Variants in MICAL2 observed in about 807,000 individuals in gnomAD.
MICAL2 encodes the protein microtubule associated monooxygenase, calponin and LIM domain containing 2.
A neutral mutation model predicts 127.3 loss-of-function variants in MICAL2; 77 were observed. The ratio of observed to expected loss-of-function variants is 0.60; its 90% CI spans 0.50 to 0.73. The LOEUF (loss-of-function observed/expected upper bound fraction) is 0.73, where lower values mean the gene tolerates loss of function less well. Among genes scored for constraint, MICAL2 ranks in the 30% least tolerant of loss-of-function variants. The probability of loss-of-function intolerance (pLI) is 0.00; values close to 1 mark genes in which losing one functional copy is unlikely to be tolerated. For synonymous variants in MICAL2, 570 were observed against 551.1 expected, an observed-to-expected ratio of 1.03 and a Z score of -0.48; for missense variants, 1,351 against 1,434.4, an observed-to-expected ratio of 0.94 and a Z score of 0.94.
intron 29 of MICAL2, among the ~76,000 whole-genome samples, chr11:12,307,446 T>C (rs1833325129): frequency 6.6e-6 from 1 of 152,228 alleles, no homozygotes. Flanking sequence ...GTCAAATTTA[T>C]TGATTTTTTC....
chr11:12,262,698 G>A (rs1190357846), intron 27 of MICAL2, 161 bp downstream of exon 27: 7 of 660,330 alleles, frequency 1.1e-5, no homozygotes, highest in South Asian at 7.1e-5. Context: ...CATGGCGGGG[G>A]GTGTTCAGCT....
chr11:12,188,276 C>G (rs1452763698), intron 3 of MICAL2, among the ~76,000 whole-genome samples: 1 of 152,128 alleles, frequency 6.6e-6, no homozygotes, highest in Non-Finnish European at 1.5e-5. Flanking sequence ...AATTAACTTC[C>G]TATTTCTTGT....
At chr11:12,253,956 C>A (rs963532144) in intron 22 of MICAL2, 1 of 152,206 alleles carries the variant, frequency 6.6e-6, no homozygotes. Context: ...GTGTGTGGGA[C>A]TGAAAGTTCC....
intron 1 of MICAL2, among the ~76,000 whole-genome samples, chr11:12,128,279 A>G (rs897314439): frequency 1.1e-4 from 17 of 152,238 alleles, no homozygotes; most frequent in Admixed American, 5.2e-4. Flanking sequence ...TCCTTTGTAA[A>G]GTCTTCCTAT....
chr11:12,272,482 CT>C (rs1213976507), upstream of MICAL2, among the ~76,000 whole-genome samples: 1 of 152,216 alleles, frequency 6.6e-6, no homozygotes, highest in East Asian at 1.9e-4. Context: ...CCCCAAACCC[CT>C]AGCACAGGCC....
intron 1 of MICAL2, among the ~76,000 whole-genome samples, chr11:12,119,924 C>T (rs1850368004): frequency 6.6e-6 from 1 of 152,174 alleles, no homozygotes; most frequent in Non-Finnish European, 1.5e-5. Context: ...TCAAGGTCAC[C>T]CAGCCAGGTC....
chr11:12,162,551 G>C, intron 3 of MICAL2, 132 bp downstream of exon 3: 5 of 1,175,630 alleles, frequency 4.3e-6, no homozygotes, highest in Non-Finnish European at 5.9e-6. Context: ...GTTTTCCTCC[G>C]GTAAAGGTTT....
chr11:12,324,880 T>G (rs1864337834), intron 31 of MICAL2, among the ~76,000 whole-genome samples: 1 of 152,220 alleles, frequency 6.6e-6, no homozygotes, highest in South Asian at 2.1e-4. Flanking sequence ...CACTTCTGTC[T>G]ACTTGCAACC....
chr11:12,134,240 C>A (rs1419251507), intron 1 of MICAL2, among the ~76,000 whole-genome samples: 1 of 152,268 alleles, frequency 6.6e-6, no homozygotes, highest in African/African-American at 2.4e-5. Context: ...TTCCCTTATC[C>A]ATGCTCCCCA....
intron 15 of MICAL2, 34 bp downstream of exon 15, chr11:12,227,165 AT>A: frequency 7.0e-7 from 1 of 1,429,530 alleles, no homozygotes; most frequent in South Asian, 1.1e-5. Flanking sequence ...TTTATTTCCC[AT>A]TGCACATGGA....
intron 3 of MICAL2, among the ~76,000 whole-genome samples, chr11:12,200,349 G>A (rs762394582): frequency 2.0e-5 from 3 of 152,180 alleles, no homozygotes; most frequent in African/African-American, 4.8e-5. Flanking sequence ...CCTTCGGGTC[G>A]AGTTATCACA....
At chr11:12,203,542 A>G (rs1423399802) in intron 3 of MICAL2, among the ~76,000 whole-genome samples, 1 of 152,096 alleles carries the variant, frequency 6.6e-6, no homozygotes, top group Non-Finnish European at 1.5e-5. Context: ...GTACTTAGTG[A>G]CCATTTGTAT....
At chr11:12,305,891 T>G (rs536628939) in intron 29 of MICAL2, among the ~76,000 whole-genome samples, 1 of 152,196 alleles carries the variant, frequency 6.6e-6, no homozygotes, top group Non-Finnish European at 1.5e-5. Flanking sequence ...TCAAATGATA[T>G]GGTTTTTAAT....
chr11:12,144,448 T>C (rs1210130569), intron 2 of MICAL2, among the ~76,000 whole-genome samples: 1 of 152,128 alleles, frequency 6.6e-6, no homozygotes, highest in African/African-American at 2.4e-5. Flanking sequence ...TTTGACCCCC[T>C]GAATGGTCAA....
At chr11:12,344,260 C>T (rs1175806942) in intron 32 of MICAL2, among the ~76,000 whole-genome samples, 1 of 151,998 alleles carries the variant, frequency 6.6e-6, no homozygotes, top group African/African-American at 2.4e-5. Context: ...CATGCTACTG[C>T]ACTCCAGCCT....
chr11:12,130,800 A>G (rs1349375569), intron 1 of MICAL2, among the ~76,000 whole-genome samples: 1 of 151,816 alleles, frequency 6.6e-6, no homozygotes, highest in African/African-American at 2.4e-5. Flanking sequence ...TTGGGCTAGA[A>G]TTAAGGCCTG....
chr11:12,200,183 T>G (rs1239347500), intron 3 of MICAL2, among the ~76,000 whole-genome samples: 1 of 152,150 alleles, frequency 6.6e-6, no homozygotes, highest in Non-Finnish European at 1.5e-5. Context: ...GGCTGTGGGT[T>G]AGACACGGAA....
intron 26 of MICAL2, 143 bp from the exon 27 acceptor site, chr11:12,262,337 C>G: frequency 2.0e-6 from 3 of 1,517,850 alleles, no homozygotes; most frequent in Non-Finnish European, 2.6e-6. Context: ...GCGACTCTTT[C>G]AGAGGAAGTT....
intron 32 of MICAL2, among the ~76,000 whole-genome samples, chr11:12,332,723 C>T (rs1242204597): frequency 6.6e-6 from 1 of 152,118 alleles, no homozygotes; most frequent in Non-Finnish European, 1.5e-5. Context: ...TAGGGAGCCC[C>T]AGGAAAAGGA....
Sources: allele counts gnomAD v4.1 joint callset (sites outside exome capture counted in the v4.1 genomes callset), GRCh38; gene constraint gnomAD v4.1.1; transcripts MANE v1.5; gene names NCBI Gene and HGNC (gene_info 2026-07-23, HGNC 2026-07-21).